The following PDE4A variants were observed in gnomAD, a reference collection of about 807,000 sequenced individuals.
The protein encoded by PDE4A is phosphodiesterase 4A.
Under a neutral mutation model 73.9 loss-of-function variants are expected in PDE4A, and 21 were observed. The ratio of observed to expected loss-of-function variants is 0.28; its 90% CI spans 0.20 to 0.41. The LOEUF is 0.41. Ranked by LOEUF, PDE4A falls within the 10% of genes least tolerant of loss-of-function variation. The pLI, the probability that PDE4A is intolerant of heterozygous loss-of-function variation, is 1.00. For synonymous variants in PDE4A, 463 were observed against 505.4 expected (o/e 0.92, Z 1.13); for missense variants, 958 against 1,211.4 (o/e 0.79, Z 3.10).
chr19:10,424,489 G>A lies in PDE4A; in HGVS notation c.320+3405G>A, dbSNP rs1599398673. Among the ~76,000 whole-genome samples the A allele has an allele frequency of 2.6e-5, 4 of 152,384 alleles. No individual in the cohort carries two copies. The South Asian group carries it at 8.3e-4, about 32-fold the overall frequency. On this transcript the variant is annotated intron_variant, in intron 1 of 14. Coordinates refer to ENST00000380702, the MANE Select transcript of PDE4A (RefSeq NM_001111307.2). This position sits in a 1 kb window ranked among gnomAD's most constrained non-coding sequence, Gnocchi z 4.8. ...CGGGTCTCCCCGCGCGCCCTCTGCT[G>A]GACGACGAGGAAGGCACAGCCTGGG...
At chr19:10,431,029 G>C in intron 1 of PDE4A, 3 of 1,577,584 alleles carry the variant, frequency 1.9e-6, no homozygotes, top group Non-Finnish European at 2.6e-6. Flanking sequence ...TTCCGCAGAC[G>C]CCTTCGGCTT....
Position 10,420,709 on chromosome 19 carries a change from C to CG in PDE4A, c.-52dup, listed in dbSNP as rs2042637968. On this transcript the variant is annotated 5_prime_UTR_variant, in exon 1 of 15. Coordinates refer to ENST00000380702, the MANE Select transcript of PDE4A (RefSeq NM_001111307.2). The surrounding 1 kb of genome is among the most constrained non-coding windows in gnomAD (Gnocchi z 6.0). ...GCTCGCTGGCTTGCGCGCAGCTGAG[C>CG]GGGGTGTAGGTTGGAAGGGCCAGGG... 2 of 1,416,680 alleles carry CG rather than the reference C, an allele frequency of 1.4e-6. No individual in the cohort carries two copies. The highest frequency in any genetic ancestry group is 6.6e-5 in the Admixed American group (2 of 30,490). 87.8% of individuals were successfully genotyped at this position (1,416,680 alleles called of 1,614,324 possible).
In PDE4A at chr19:10,446,405, G is replaced by C. The variant is rs371410907; in HGVS notation, c.508G>C (p.Glu170Gln). 8 of 1,603,888 alleles carry C rather than the reference G, an allele frequency of 5.0e-6. No individual in the cohort carries two copies. Among genetic ancestry groups the C allele is most frequent in the Non-Finnish European group, 6.8e-6 (8 of 1,171,646 alleles). ...TMSRNSSVTSEAHAEDLIVTP... is the reference protein window; with the variant it reads ...TMSRNSSVTSQAHAEDLIVTP... ...GTCCCGGAACTCATCGGTCACCAGC[G>C]AGGCGTGAGCATCCTTCTCCCCACA... Residue 170 changes from glutamate (E) to glutamine (Q), a missense_variant, in exon 2 of 15, where the codon GAG becomes CAG. Physicochemically the swap from Glu to Gln is conservative, Grantham distance 29. This residue lies in a region of PDE4A where 570 missense variants were observed against 827.7 expected (regional missense o/e 0.69). Coordinates refer to ENST00000380702, the MANE Select transcript of PDE4A (RefSeq NM_001111307.2).
chr19:10,418,663 A>T, upstream of PDE4A: 1 of 644,346 alleles, frequency 1.6e-6, no homozygotes, highest in Non-Finnish European at 1.9e-6. Flanking sequence ...GGTCCAGATC[A>T]GTTTATCCCC....
At chr19:10,451,018 G>A in intron 6 of PDE4A, 77 bp downstream of exon 6, 1 of 1,383,342 alleles carries the variant, frequency 7.2e-7, no homozygotes, top group Non-Finnish European at 1.0e-6. Flanking sequence ...CCGCTGGATG[G>A]GACCAGTGGG....
intron 4 of PDE4A, 57 bp from the exon 5 acceptor site, chr19:10,450,546 G>T: frequency 6.5e-7 from 1 of 1,541,294 alleles, no homozygotes; most frequent in South Asian, 1.2e-5. Flanking sequence ...GCGGGAGGCA[G>T]GGACCTGGTG....
intron 1 of PDE4A, among the ~76,000 whole-genome samples, chr19:10,438,676 C>T (rs996099455): frequency 2.0e-5 from 3 of 152,106 alleles, no homozygotes; most frequent in African/African-American, 7.2e-5. Context: ...GTCCCAATCT[C>T]GGCTCACTGC....
Position 10,446,901 on chromosome 19 carries a change from C to CT in PDE4A, c.512+502dup, listed in dbSNP as rs896388279. ...GAGCCACCGCGCCTGGCCTCAGTTC[C>CT]TTTTTTTTTTGAGACGGAGTGTCTC... On this transcript the variant is annotated intron_variant, in intron 2 of 14. Transcript: ENST00000380702. Among the ~76,000 whole-genome samples the CT allele has an allele frequency of 2.3e-3, 328 of 145,472 alleles. 4 individuals are homozygous for CT. The highest frequency in any genetic ancestry group is 7.7e-3 in the African/African-American group (305 of 39,566).
At chr19:10,452,456 T>C (rs1348598919) in intron 6 of PDE4A, among the ~76,000 whole-genome samples, 1 of 146,476 alleles carries the variant, frequency 6.8e-6, no homozygotes, top group Non-Finnish European at 1.5e-5. Flanking sequence ...AAAAAAGAAA[T>C]GTGGCTGGTA....
intron 7 of PDE4A, among the ~76,000 whole-genome samples, chr19:10,456,712 T>C (rs928427188): frequency 7.3e-5 from 11 of 151,604 alleles, no homozygotes; most frequent in South Asian, 6.3e-4. Context: ...AACTAACACC[T>C]GTAAGATTCC....
intron 1 of PDE4A, among the ~76,000 whole-genome samples, chr19:10,435,831 A>T (rs112080203): frequency 0.023 from 3,521 of 152,082 alleles, 133 homozygotes; most frequent in African/African-American, 0.08. Context: ...TGGCTCAGGG[A>T]TCTGATTCTG....
chr19:10,461,186 G>A (rs572547310), intron 11 of PDE4A, 83 bp downstream of exon 11: 28 of 1,526,258 alleles, frequency 1.8e-5, no homozygotes, highest in Non-Finnish European at 2.5e-5. Context: ...CTAGGCTGGA[G>A]GAGGGGCTGG....
At chr19:10,437,410 C>A (rs916651815) in intron 1 of PDE4A, among the ~76,000 whole-genome samples, 8 of 151,898 alleles carry the variant, frequency 5.3e-5, no homozygotes, top group Admixed American at 6.6e-5. Context: ...GCGTAAGCCA[C>A]CGTGCCCGGC....
intron 1 of PDE4A, among the ~76,000 whole-genome samples, chr19:10,442,176 T>A (rs1303484050): frequency 2.0e-5 from 3 of 151,980 alleles, no homozygotes; most frequent in African/African-American, 7.2e-5. Context: ...CCTTTCTAGG[T>A]CAGCCTATAG....
Position 10,424,731 on chromosome 19 carries a change from A to G in PDE4A, c.320+3647A>G, listed in dbSNP as rs1290731545. Among the ~76,000 whole-genome samples the G allele has an allele frequency of 6.6e-6, 1 of 152,212 alleles. No individual in the cohort carries two copies. The highest frequency in any genetic ancestry group is 1.5e-5 in the Non-Finnish European group (1 of 68,026). ...TTCCCCATGCGCCAGCCCCTGCCAC[A>G]CGCTGCGGGGACTGTCGTCTGGAGG... On this transcript the variant is annotated intron_variant, in intron 1 of 14. Transcript: ENST00000380702. This position sits in a 1 kb window ranked among gnomAD's most constrained non-coding sequence, Gnocchi z 4.8.
intron 1 of PDE4A, among the ~76,000 whole-genome samples, chr19:10,440,604 T>G (rs1344276509): frequency 6.6e-6 from 1 of 151,794 alleles, no homozygotes; most frequent in Non-Finnish European, 1.5e-5. Context: ...TTTTATTTAT[T>G]TATGTATTTT....
At chr19:10,436,449 G>A (rs2042865869) in intron 1 of PDE4A, among the ~76,000 whole-genome samples, 1 of 152,068 alleles carries the variant, frequency 6.6e-6, no homozygotes, top group Non-Finnish European at 1.5e-5. Context: ...CAGCTACTCG[G>A]GAGGCTGAGG....
chr19:10,441,910 G>A (rs1333922769), intron 1 of PDE4A, among the ~76,000 whole-genome samples: 2 of 151,500 alleles, frequency 1.3e-5, no homozygotes, highest in Non-Finnish European at 2.9e-5. Context: ...GGCTGGTCTC[G>A]AACTCCCGAC....
At chr19:10,428,701 A>T in intron 1 of PDE4A, 1 of 852,368 alleles carries the variant, frequency 1.2e-6, no homozygotes, top group Non-Finnish European at 1.4e-6. Flanking sequence ...GCTCAATGAA[A>T]TGAAGTGACT....
Sources: gnomAD v4.1 joint callset for allele counts (sites outside exome capture counted in the v4.1 genomes callset) on GRCh38, gnomAD v4.1.1 for gene constraint, gnomAD v4.1.1 regional missense constraint, Gnocchi (gnomAD v3.1) non-coding constraint, MANE v1.5 for transcripts, NCBI Gene and HGNC (gene_info 2026-07-23, HGNC 2026-07-21) for gene names.